The following DCBLD1 variants were observed in gnomAD, a reference collection of about 807,000 sequenced individuals.
The protein encoded by DCBLD1 is discoidin, CUB and LCCL domain-containing protein 1.
DCBLD1 carries 57 observed loss-of-function variants against 71.5 expected under a neutral mutation model. The observed-to-expected ratio is 0.80, with a 90% CI of 0.64 to 0.99. The LOEUF is 0.99. Ranked by LOEUF, DCBLD1 falls within the 50% of genes least tolerant of loss-of-function variation. The pLI is 0.00. For synonymous variants in DCBLD1, 380 were observed against 363.8 expected (o/e 1.04, Z -0.51); for missense variants, 891 against 923.5 (o/e 0.96, Z 0.46).
chr6:117,511,728 G>T (rs929713606), intron 2 of DCBLD1, among the ~76,000 whole-genome samples: 1 of 152,176 alleles, frequency 6.6e-6, no homozygotes, highest in African/African-American at 2.4e-5. Flanking sequence ...AGGGGAAAGC[G>T]CAAGATTGAC....
chr6:117,553,744 C>T (rs118058575), downstream of DCBLD1, among the ~76,000 whole-genome samples: 283 of 152,276 alleles, frequency 1.9e-3, 4 homozygotes, highest in East Asian at 0.047. Context: ...AAGTACTGCA[C>T]ATTTTTTGTT....
chr6:117,522,546 ATGCTCC>A (rs2114495384), intron 4 of DCBLD1, among the ~76,000 whole-genome samples: 1 of 152,182 alleles, frequency 6.6e-6, no homozygotes, highest in South Asian at 2.1e-4. Flanking sequence ...GGCTCAAAGT[ATGCTCC>A]TGCCTCAGCC....
chr6:117,505,541 C>T (rs1777811447), intron 2 of DCBLD1, among the ~76,000 whole-genome samples: 1 of 152,146 alleles, frequency 6.6e-6, no homozygotes. Context: ...AAGACTCTGT[C>T]ACGTCAGAGG....
chr6:117,518,051 C>A (rs182434970), intron 2 of DCBLD1, among the ~76,000 whole-genome samples: 16 of 152,340 alleles, frequency 1.1e-4, no homozygotes, highest in African/African-American at 3.4e-4. Context: ...TGTCAGGCTG[C>A]AAATTTTCTG....
At chr6:117,562,268 T>G (rs1296064737) in intron 14 of DCBLD1, 1 of 206,466 alleles carries the variant, frequency 4.8e-6, no homozygotes, top group African/African-American at 2.3e-5. Flanking sequence ...TGCCCACCTT[T>G]TAGATGACTG....
At chr6:117,538,040 C>G (rs1419812622) in intron 7 of DCBLD1, among the ~76,000 whole-genome samples, 2 of 152,090 alleles carry the variant, frequency 1.3e-5, no homozygotes, top group African/African-American at 4.8e-5. Flanking sequence ...GGAATGTATT[C>G]TATGTAAATA....
intron 6 of DCBLD1, among the ~76,000 whole-genome samples, chr6:117,535,860 A>T (rs1218356349): frequency 1.3e-5 from 2 of 152,168 alleles, no homozygotes; most frequent in East Asian, 3.9e-4. Flanking sequence ...GTGTCAGGAG[A>T]GTTCTCATCC....
intron 14 of DCBLD1, chr6:117,561,854 T>C (rs1779590141): frequency 9.7e-6 from 2 of 206,494 alleles, no homozygotes; most frequent in South Asian, 1.9e-4. Context: ...ATAAAGTATA[T>C]ACATTTTATA....
downstream of DCBLD1, among the ~76,000 whole-genome samples, chr6:117,552,679 A>C (rs1269214525): frequency 6.6e-6 from 1 of 152,164 alleles, no homozygotes; most frequent in Non-Finnish European, 1.5e-5. Context: ...GAAGTGCCCA[A>C]CATGGTCATT....
At position 117,532,185 on chromosome 6, in the gene DCBLD1, A is replaced by C; in HGVS notation, c.586-75A>C. Reference sequence around the variant, plus strand: ...GGCCACTACTATAAATTACCACAGAAACAAAATAGAAAACTCCAACTATAT... The same window carrying C: ...GGCCACTACTATAAATTACCACAGACACAAAATAGAAAACTCCAACTATAT... On this transcript the variant is annotated intron_variant, in intron 5 of 14. Coordinates refer to ENST00000338728, the MANE Select transcript of DCBLD1 (RefSeq NM_001366458.2). 6.6e-6 allele frequency: 10 copies of C among 1,517,518 alleles called. 1 individual carries two copies. The South Asian group carries it at 1.4e-4, about 21-fold the overall frequency. The allele number at this position is 1,517,518 out of a possible 1,614,324, so 94.0% of individuals were successfully genotyped here.
intron 14 of DCBLD1, among the ~76,000 whole-genome samples, chr6:117,558,288 C>G (rs371331505): frequency 6.6e-6 from 1 of 152,180 alleles, no homozygotes; most frequent in Non-Finnish European, 1.5e-5. Context: ...GAGCTGCCCC[C>G]CTCCATCCAT....
intron 13 of DCBLD1, 71 bp from the exon 14 acceptor site, chr6:117,545,407 A>G (rs1440845172): frequency 1.3e-6 from 2 of 1,575,100 alleles, no homozygotes; most frequent in African/African-American, 2.7e-5. Flanking sequence ...TGACTCATCA[A>G]GGAACATGTT....
intron 1 of DCBLD1, among the ~76,000 whole-genome samples, chr6:117,498,325 A>G (rs1313984662): frequency 6.6e-6 from 1 of 152,326 alleles, no homozygotes; most frequent in East Asian, 1.9e-4. Flanking sequence ...GAAATATTCT[A>G]CAGTTGAGAG....
intron 14 of DCBLD1, among the ~76,000 whole-genome samples, chr6:117,568,993 T>G (rs1779753548): frequency 6.6e-6 from 1 of 152,174 alleles, no homozygotes; most frequent in African/African-American, 2.4e-5. Context: ...AAAACAACAT[T>G]TTAAGTACAA....
chr6:117,519,947 C>T lies in DCBLD1; in HGVS notation c.457C>T (p.Pro153Ser), dbSNP rs147487282. Residue 153 changes from proline to serine, a missense_variant, in exon 3 of 15, where the codon CCA becomes TCA. Pro to Ser is a moderately conservative substitution (Grantham distance 74, BLOSUM62 -1). Transcript: ENST00000338728. ...GCTGACCTATGCGAGCAGCGACCATCCAGGTATAACGGAAGAATCAACACA... is the reference window on the plus strand; with the variant it reads ...GCTGACCTATGCGAGCAGCGACCATTCAGGTATAACGGAAGAATCAACACA... The part of the protein sequence containing the change: ...FLLTYASSDH[P>S]DLITCLERAS... 1,138 of 1,613,548 alleles carry T rather than the reference C, an allele frequency of 7.1e-4. 2 individuals are homozygous for T. The highest frequency in any genetic ancestry group is 8.6e-4 in the Non-Finnish European group (1,019 of 1,179,664).
chr6:117,548,371 G>T lies in DCBLD1; in HGVS notation c.2080G>T (p.Asp694Tyr). Residue 694 changes from aspartate (D) to tyrosine (Y), a missense_variant, in exon 15 of 15, where the codon GAC becomes TAC. Asp to Tyr is a radical substitution (Grantham distance 160). Transcript: ENST00000338728. ...GCCCCCAACGCATCCCGGGACGAGT[G>T]ACAGCTATTCTGCCCCCAGAGACTG... is the stretch of plus-strand genomic sequence containing the variant. ...QKPPTHPGTS[D>Y]SYSAPRDCLT... is the part of the protein sequence containing the mutation. The T allele has an allele frequency of 1.3e-6, 2 of 1,550,698 alleles. No homozygotes were observed. Among genetic ancestry groups the T allele is most frequent in the Middle Eastern group, 3.3e-4 (2 of 5,992 alleles).
In DCBLD1 at chr6:117,548,394, C is replaced by T; in HGVS notation, c.2103C>T (p.Asp701=). The T allele has an allele frequency of 6.4e-7, 1 of 1,550,724 alleles. No individual in the cohort carries two copies. The highest frequency in any genetic ancestry group is 8.7e-7 in the Non-Finnish European group (1 of 1,147,014). ...GTSDSYSAPR[D]CLTPLNQTAM... ...GTGACAGCTATTCTGCCCCCAGAGA[C>T]TGCCTCACACCCCTCAACCAGACGG... Residue 701 remains aspartate, a synonymous_variant, in exon 15 of 15, where the codon GAC becomes GAT. Transcript: ENST00000338728.
rs757052480 is a variant in DCBLD1, at chr6:117,540,628, A to G, written c.1102-40A>G. 13 of 1,611,886 alleles carry G rather than the reference A, an allele frequency of 8.1e-6. No homozygotes were observed. In the African/African-American group the frequency reaches 1.6e-4, roughly 20 times the overall value. On this transcript the variant is annotated intron_variant, in intron 9 of 14. Coordinates refer to ENST00000338728, the MANE Select transcript of DCBLD1 (RefSeq NM_001366458.2). ...TGGGATGATAAACACCTAAAAACTC[A>G]CTAATAGAATCTTAAGGTAAACATA...
intron 2 of DCBLD1, 122 bp from the exon 3 acceptor site, chr6:117,519,694 G>C: frequency 7.7e-7 from 1 of 1,293,572 alleles, no homozygotes; most frequent in Non-Finnish European, 1.0e-6. Context: ...AGTTGGTAAA[G>C]ATTATAATCA....
Sources: gnomAD v4.1 joint callset for allele counts (sites outside exome capture counted in the v4.1 genomes callset) on GRCh38, gnomAD v4.1.1 for gene constraint, MANE v1.5 for transcripts, NCBI Gene and HGNC (gene_info 2026-07-23, HGNC 2026-07-21) for gene names.